Variants in UST observed in about 807,000 individuals in gnomAD.
The protein encoded by UST is chondroitin sulfate 2-O-sulfotransferase.
A neutral mutation model predicts 45.6 loss-of-function variants in UST; 21 were observed. That is an observed-to-expected ratio of 0.46 (90% CI 0.33 to 0.66). The LOEUF is 0.66. Ranked by LOEUF, UST falls within the 30% of genes least tolerant of loss-of-function variation. UST has a pLI of 0.02. For missense variants in UST, 463 were observed against 512.4 expected (o/e 0.90, Z 0.93); for synonymous variants, 215 against 200.6 (o/e 1.07, Z -0.61).
intron 7 of UST, 26 bp from the exon 8 acceptor site, chr6:149,073,807 C>T (rs1776852165): frequency 6.2e-7 from 1 of 1,604,686 alleles, no homozygotes; most frequent in Non-Finnish European, 8.5e-7. Flanking sequence ...AATGATGGCT[C>T]ATGTGCGACC....
At position 148,941,517 on chromosome 6, in the gene UST, C is replaced by T; in HGVS notation, c.447+83C>T. ...AGTGGGTGCCTTACAGGTCATCCTTCAGACTCCTGATGAGTGAATACCAGA... is the reference window on the plus strand; with the variant it reads ...AGTGGGTGCCTTACAGGTCATCCTTTAGACTCCTGATGAGTGAATACCAGA... On this transcript the variant is annotated intron_variant, in intron 3 of 7. Transcript: ENST00000367463. 2.1e-6 allele frequency: 3 copies of T among 1,433,042 alleles called. No individual in the cohort carries two copies. In the South Asian group the frequency reaches 4.2e-5, roughly 20 times the overall value. The allele number at this position is 1,433,042 out of a possible 1,614,324, so 88.8% of individuals were successfully genotyped here.
chr6:148,944,257 T>A (rs1370692466), intron 3 of UST, among the ~76,000 whole-genome samples: 1 of 152,142 alleles, frequency 6.6e-6, no homozygotes, highest in Non-Finnish European at 1.5e-5. Flanking sequence ...TAATAACAAT[T>A]CCACTTCAGG....
At position 148,748,398 on chromosome 6, in the gene UST, CTTGTGTGTGTGTGT is replaced by C. The variant is rs1562555344; in HGVS notation, c.247+722_247+735del. Among the ~76,000 whole-genome samples the C allele has an allele frequency of 8.6e-6, 1 of 116,144 alleles. No homozygotes were observed. The highest frequency in any genetic ancestry group is 1.8e-5 in the Non-Finnish European group (1 of 56,620). The allele number at this position is 116,144 out of a possible 152,430, so 76.2% of individuals were successfully genotyped here. A position where few individuals can be genotyped will look rare whatever the true frequency, so the allele number is the denominator to read the frequency against. On this transcript the variant is annotated intron_variant, in intron 1 of 7. Transcript: ENST00000367463. This position sits in a 1 kb window ranked among gnomAD's most constrained non-coding sequence, Gnocchi z 5.3. ...TGTGCGTCTCAAGCTCAAGTCAAAA[CTTGTGTGTGTGTGT>C]GTGTGTGTGTGTGTGTGTGTGTGTG... is the stretch of plus-strand genomic sequence containing the variant.
chr6:148,850,860 A>G (rs2114785543), intron 1 of UST, among the ~76,000 whole-genome samples: 1 of 152,348 alleles, frequency 6.6e-6, no homozygotes, highest in South Asian at 2.1e-4. Flanking sequence ...AGCTGCATTT[A>G]GAAGCCAGGG....
intron 2 of UST, among the ~76,000 whole-genome samples, chr6:148,904,774 C>T (rs903854741): frequency 2.0e-5 from 3 of 152,166 alleles, no homozygotes; most frequent in Non-Finnish European, 4.4e-5. Flanking sequence ...AGTCCTCAGT[C>T]TCCCAAAGTG....
At chr6:148,861,005 C>T (rs1778302211) in intron 1 of UST, among the ~76,000 whole-genome samples, 1 of 152,180 alleles carries the variant, frequency 6.6e-6, no homozygotes, top group South Asian at 2.1e-4. Context: ...ATGATGCTGG[C>T]CTCATAAAAT....
At chr6:148,929,705 G>A (rs1223050265) in intron 2 of UST, among the ~76,000 whole-genome samples, 1 of 152,190 alleles carries the variant, frequency 6.6e-6, no homozygotes, top group Non-Finnish European at 1.5e-5. Flanking sequence ...GCAGATACAA[G>A]CATCCTCGTA....
chr6:148,865,549 G>A (rs1008478407), intron 1 of UST, among the ~76,000 whole-genome samples: 8 of 152,102 alleles, frequency 5.3e-5, no homozygotes, highest in Non-Finnish European at 7.4e-5. Context: ...GAGAGAGAGA[G>A]AAAACACCTG....
intron 1 of UST, among the ~76,000 whole-genome samples, chr6:148,848,091 CATATA>C (rs1019870285): frequency 6.6e-6 from 1 of 152,140 alleles, no homozygotes; most frequent in African/African-American, 2.4e-5. Flanking sequence ...ATCTTAGGGT[CATATA>C]AAAGTAACTT....
At chr6:148,756,180 A>G (rs1232904076) in intron 1 of UST, among the ~76,000 whole-genome samples, 4 of 152,086 alleles carry the variant, frequency 2.6e-5, no homozygotes, top group Non-Finnish European at 4.4e-5. Flanking sequence ...TACAAAGGAC[A>G]TGAGCTCATC....
chr6:148,871,644 C>G (rs1778561939), intron 1 of UST, among the ~76,000 whole-genome samples: 1 of 152,174 alleles, frequency 6.6e-6, no homozygotes, highest in South Asian at 2.1e-4. Flanking sequence ...GCTGTAAACT[C>G]CCCACAGCCA....
At chr6:148,970,955 G>A (rs1223896351) in intron 5 of UST, among the ~76,000 whole-genome samples, 1 of 152,206 alleles carries the variant, frequency 6.6e-6, no homozygotes, top group African/African-American at 2.4e-5. Flanking sequence ...CATTTGCAGA[G>A]TCCTTTTTGC....
rs182413592 is a variant in UST, at chr6:149,019,923, G to T, written c.779+687G>T. Among the ~76,000 whole-genome samples the T allele has an allele frequency of 7.2e-5, 11 of 152,278 alleles. No individual in the cohort carries two copies. The East Asian group carries it at 2.1e-3, about 29-fold the overall frequency. On this transcript the variant is annotated intron_variant, in intron 6 of 7. Coordinates refer to ENST00000367463, the MANE Select transcript of UST (RefSeq NM_005715.3). The stretch of plus-strand genomic sequence containing the variant: ...AGCAGCCTCCCCAGATGCTTCTGGC[G>T]TAGCTATAGTTGAAATCTACTGTGC...
At chr6:148,913,017 C>G (rs1271996981) in intron 2 of UST, among the ~76,000 whole-genome samples, 1 of 152,168 alleles carries the variant, frequency 6.6e-6, no homozygotes, top group African/African-American at 2.4e-5. Flanking sequence ...TATTTTAATG[C>G]CTGGTCCCTG....
At chr6:149,047,353 T>A (rs1439876787) in intron 7 of UST, among the ~76,000 whole-genome samples, 1 of 152,224 alleles carries the variant, frequency 6.6e-6, no homozygotes, top group Non-Finnish European at 1.5e-5. Context: ...AGAATGATGC[T>A]GCAATTATAG....
At chr6:149,028,192 A>G (rs6938335) in intron 7 of UST, among the ~76,000 whole-genome samples, 36,677 of 152,090 alleles carry the variant, frequency 0.24, 4,504 homozygotes, top group Admixed American at 0.27. Flanking sequence ...GATAGCCCGC[A>G]TGCTAGACCC....
At chr6:149,003,783 A>C (rs1468357221) in intron 5 of UST, among the ~76,000 whole-genome samples, 1 of 152,212 alleles carries the variant, frequency 6.6e-6, no homozygotes, top group Non-Finnish European at 1.5e-5. Flanking sequence ...TTGAATCTGC[A>C]GGTGTGGCTT....
intron 1 of UST, among the ~76,000 whole-genome samples, chr6:148,824,926 G>A (rs1203074063): frequency 1.6e-4 from 23 of 143,774 alleles, no homozygotes; most frequent in Admixed American, 1.4e-3. Flanking sequence ...GAGAATATGC[G>A]GTGTTTGGTT....
At chr6:149,018,380 T>C (rs1459995944) in intron 5 of UST, among the ~76,000 whole-genome samples, 3 of 152,188 alleles carry the variant, frequency 2.0e-5, no homozygotes, top group African/African-American at 7.2e-5. Context: ...TTGGTTTATT[T>C]GTAGATTGAG....
Sources: gnomAD v4.1 joint callset for allele counts (sites outside exome capture counted in the v4.1 genomes callset) on GRCh38, gnomAD v4.1.1 for gene constraint, Gnocchi (gnomAD v3.1) non-coding constraint, MANE v1.5 for transcripts, NCBI Gene and HGNC (gene_info 2026-07-23, HGNC 2026-07-21) for gene names.